Variants in ELMO1 observed in about 807,000 individuals in gnomAD.
ELMO1 encodes engulfment and cell motility 1.
Under a neutral mutation model 98.9 loss-of-function variants are expected in ELMO1, and 26 were observed. The observed-to-expected ratio is 0.26, with a 90% CI of 0.19 to 0.36. The LOEUF is 0.36. Among genes scored for constraint, ELMO1 ranks in the 10% least tolerant of loss-of-function variants. The pLI is 1.00. For synonymous variants in ELMO1, 346 were observed against 346.0 expected, an observed-to-expected ratio of 1.00 and a Z score of 0.00; for missense variants, 627 against 935.2, an observed-to-expected ratio of 0.67 and a Z score of 4.30.
intron 4 of ELMO1, among the ~76,000 whole-genome samples, chr7:37,283,509 G>T (rs1258825667): frequency 6.6e-6 from 1 of 152,214 alleles, no homozygotes; most frequent in Non-Finnish European, 1.5e-5. Context: ...ACTCTAATCT[G>T]TTAAACAGTA....
chr7:36,899,113 G>C (rs1044577514), intron 16 of ELMO1, among the ~76,000 whole-genome samples: 1 of 152,198 alleles, frequency 6.6e-6, no homozygotes, highest in Non-Finnish European at 1.5e-5. Context: ...GTGTTCAGCG[G>C]TCTTGTTTAG....
chr7:37,446,697 G>A (rs185074246), intron 1 of ELMO1, among the ~76,000 whole-genome samples: 2 of 152,170 alleles, frequency 1.3e-5, no homozygotes, highest in East Asian at 3.9e-4. Flanking sequence ...ACTCCCATCC[G>A]GGTCTGCCTC....
At chr7:37,239,053 C>T (rs1794621569) in intron 7 of ELMO1, among the ~76,000 whole-genome samples, 1 of 152,146 alleles carries the variant, frequency 6.6e-6, no homozygotes, top group Non-Finnish European at 1.5e-5. Context: ...ACTGGTCCCT[C>T]TCCTCTATTT....
chr7:36,978,917 A>T (rs1320551234), intron 16 of ELMO1, among the ~76,000 whole-genome samples: 1 of 152,202 alleles, frequency 6.6e-6, no homozygotes, highest in Non-Finnish European at 1.5e-5. Context: ...AGTACATGGG[A>T]TATATTAATA....
At chr7:36,953,855 G>T (rs1238297555) in intron 16 of ELMO1, among the ~76,000 whole-genome samples, 2 of 46,726 alleles carry the variant, frequency 4.3e-5, no homozygotes, top group Non-Finnish European at 7.1e-5. Flanking sequence ...GTGTGTGTGT[G>T]TGTGTGTGTG....
intron 8 of ELMO1, among the ~76,000 whole-genome samples, chr7:37,232,196 G>A (rs1794215655): frequency 6.6e-6 from 1 of 152,120 alleles, no homozygotes; most frequent in African/African-American, 2.4e-5. Flanking sequence ...ACTCTTAATG[G>A]ATTTTGCTCT....
At chr7:37,045,881 A>T (rs1795769074) in intron 15 of ELMO1, among the ~76,000 whole-genome samples, 1 of 152,290 alleles carries the variant, frequency 6.6e-6, no homozygotes, top group South Asian at 2.1e-4. Context: ...GTTTAGAATT[A>T]TCCCTATCTC....
intron 16 of ELMO1, among the ~76,000 whole-genome samples, chr7:36,921,777 T>G (rs1584375246): frequency 6.6e-6 from 1 of 152,168 alleles, no homozygotes; most frequent in East Asian, 1.9e-4. Flanking sequence ...TGGCAGTCTT[T>G]TATTTTTCAA....
chr7:37,259,463 T>C (rs771944006), intron 5 of ELMO1, 113 bp from the exon 6 acceptor site: 17 of 1,190,034 alleles, frequency 1.4e-5, no homozygotes, highest in Non-Finnish European at 2.0e-5. Flanking sequence ...CAAGACTATC[T>C]GCATATTACA....
intron 16 of ELMO1, among the ~76,000 whole-genome samples, chr7:36,999,453 C>G (rs903128104): frequency 1.3e-5 from 2 of 152,158 alleles, no homozygotes; most frequent in African/African-American, 4.8e-5. Flanking sequence ...GGGCAATTAA[C>G]CTGCTCAAGC....
rs141312879 is a variant in ELMO1, at chr7:37,252,841, G to A, written c.413+6340C>T. On this transcript the variant is annotated intron_variant, in intron 6 of 21. Transcript: ENST00000310758. ...TTTGCAATATAGCCATCTGACAAAG[G>A]GTTAATATCCAAAATCTACAAGGAA... is the stretch of plus-strand genomic sequence containing the variant. Among the ~76,000 whole-genome samples the A allele has an allele frequency of 4.9e-3, 746 of 152,070 alleles. 5 individuals carry two copies. The highest frequency in any genetic ancestry group is 7.9e-3 in the Non-Finnish European group (534 of 67,996).
chr7:36,978,063 G>A (rs1790729203), intron 16 of ELMO1, among the ~76,000 whole-genome samples: 1 of 152,192 alleles, frequency 6.6e-6, no homozygotes, highest in South Asian at 2.1e-4. Flanking sequence ...ATACAGGGTT[G>A]GCATTCAGCA....
chr7:37,359,811 G>A (rs1801630266), intron 1 of ELMO1, among the ~76,000 whole-genome samples: 1 of 152,184 alleles, frequency 6.6e-6, no homozygotes, highest in African/African-American at 2.4e-5. Context: ...AAGGCTTTAT[G>A]CACTTTTCCA....
intron 16 of ELMO1, among the ~76,000 whole-genome samples, chr7:37,001,601 T>C (rs1011479363): frequency 6.6e-6 from 1 of 152,188 alleles, no homozygotes; most frequent in African/African-American, 2.4e-5. Context: ...AAAATTTCAT[T>C]CTGAATAAAT....
intron 19 of ELMO1, among the ~76,000 whole-genome samples, chr7:36,877,636 G>C (rs971030623): frequency 2.0e-5 from 3 of 152,172 alleles, no homozygotes; most frequent in African/African-American, 7.2e-5. Context: ...TAGGGGTCAG[G>C]CATATAAGTT....
At chr7:37,112,461 A>G (rs1195030315) in intron 14 of ELMO1, among the ~76,000 whole-genome samples, 2 of 152,126 alleles carry the variant, frequency 1.3e-5, no homozygotes, top group Non-Finnish European at 2.9e-5. Context: ...TCACCAGTCA[A>G]GTACTGAAAG....
chr7:36,959,990 A>G (rs967264996), intron 16 of ELMO1, among the ~76,000 whole-genome samples: 1 of 152,218 alleles, frequency 6.6e-6, no homozygotes, highest in Non-Finnish European at 1.5e-5. Context: ...AGGAAAGACC[A>G]GAGTTGACAT....
rs1264843249 is a variant in ELMO1 at position 37,096,683 on chromosome 7, G to C, written c.1236C>G (p.Pro412=). Residue 412 remains proline, a synonymous_variant, in exon 15 of 22, where the codon CCC becomes CCG. Transcript: ENST00000310758. ...NSSREDKHEC[P]FGRSSIELTK... ...TCAGCTCTATACTACTGCGGCCAAA[G>C]GGACATTCATGCTTGTCTTCTCGAC... is the stretch of plus-strand genomic sequence containing the variant. 6.2e-7 allele frequency: 1 copy of C among 1,614,002 alleles called. No homozygotes were observed. Among genetic ancestry groups the C allele is most frequent in the African/African-American group, 1.3e-5 (1 of 74,910 alleles).
intron 14 of ELMO1, among the ~76,000 whole-genome samples, chr7:37,121,416 A>T (rs1786027496): frequency 1.3e-5 from 2 of 152,230 alleles, no homozygotes; most frequent in South Asian, 4.1e-4. Flanking sequence ...TAACCAATGC[A>T]GAGAAGTCCT....
Sources: gnomAD v4.1 joint callset for allele counts (sites outside exome capture counted in the v4.1 genomes callset) on GRCh38, gnomAD v4.1.1 for gene constraint, MANE v1.5 for transcripts, NCBI Gene and HGNC (gene_info 2026-07-23, HGNC 2026-07-21) for gene names.